Variants in SCLT1 observed in about 807,000 individuals in gnomAD.
SCLT1 encodes the protein sodium channel-associated protein 1.
A neutral mutation model predicts 112.8 loss-of-function variants in SCLT1; 78 were observed. That is an observed-to-expected ratio of 0.69 (90% CI 0.58 to 0.83). The LOEUF (loss-of-function observed/expected upper bound fraction) is 0.83. SCLT1 is among the 40% of genes least tolerant of loss of function. SCLT1 has a pLI of 0.00. For synonymous variants in SCLT1, 257 were observed against 254.7 expected (o/e 1.01, Z -0.09); for missense variants, 747 against 770.4 (o/e 0.97, Z 0.36).
At chr4:129,015,169 C>T (rs1050173304) in intron 5 of SCLT1, among the ~76,000 whole-genome samples, 1 of 152,090 alleles carries the variant, frequency 6.6e-6, no homozygotes, top group African/African-American at 2.4e-5. Flanking sequence ...GGACTACACT[C>T]CCATGTGCTA....
At chr4:128,896,900 G>A (rs931411219) in intron 18 of SCLT1, among the ~76,000 whole-genome samples, 3 of 152,192 alleles carry the variant, frequency 2.0e-5, no homozygotes, top group African/African-American at 7.2e-5. Context: ...TAGCCGATTC[G>A]ATCAACTGGA....
chr4:128,999,604 T>A (rs1399875019), intron 7 of SCLT1, 68 bp downstream of exon 7: 19 of 1,239,906 alleles, frequency 1.5e-5, no homozygotes, highest in Non-Finnish European at 2.2e-5. Flanking sequence ...AGCGTTCCCC[T>A]CTAAAACAGT....
chr4:128,957,025 C>A lies in SCLT1; in HGVS notation c.1146+1G>T. Reference sequence around the variant, plus strand: ...TTTTAAATATAATTAAAAATCCTTACTTCTTTCTTGGTTCTTATGGTAGCA... The same window carrying A: ...TTTTAAATATAATTAAAAATCCTTAATTCTTTCTTGGTTCTTATGGTAGCA... On this transcript the variant is annotated splice_donor_variant, in intron 13 of 20. Transcript: ENST00000281142. LOFTEE classifies it high-confidence loss of function. The A allele has an allele frequency of 1.3e-6, 2 of 1,496,536 alleles. No individual in the cohort carries two copies. Among genetic ancestry groups the A allele is most frequent in the African/African-American group, 1.4e-5 (1 of 70,972 alleles). 92.7% of individuals were successfully genotyped at this position (1,496,536 alleles called of 1,614,324 possible).
chr4:128,954,880 T>G (rs1185283381), intron 13 of SCLT1, among the ~76,000 whole-genome samples: 1 of 152,186 alleles, frequency 6.6e-6, no homozygotes, highest in Non-Finnish European at 1.5e-5. Context: ...ATAAAAATTT[T>G]GGTTCTTATA....
chr4:128,952,538 A>G, intron 14 of SCLT1: 1 of 569,026 alleles, frequency 1.8e-6, no homozygotes, highest in Admixed American at 2.7e-5. Flanking sequence ...ATTCTCTGTC[A>G]AAGACAGGTA....
At chr4:129,001,906 A>G (rs1424274561) in intron 6 of SCLT1, among the ~76,000 whole-genome samples, 1 of 152,050 alleles carries the variant, frequency 6.6e-6, no homozygotes, top group Non-Finnish European at 1.5e-5. Context: ...ATTTAATCCC[A>G]TGAAATCAAT....
intron 5 of SCLT1, among the ~76,000 whole-genome samples, chr4:129,008,968 T>C (rs1579682037): frequency 6.6e-6 from 1 of 152,202 alleles, no homozygotes; most frequent in African/African-American, 2.4e-5. Context: ...TCCAGCTCCA[T>C]CTATGTTCCT....
At position 129,075,408 on chromosome 4, in the gene SCLT1, C is replaced by G. The variant is rs907257946; in HGVS notation, c.102+6898G>C. Among the ~76,000 whole-genome samples the G allele has an allele frequency of 1.4e-4, 21 of 152,246 alleles. No individual in the cohort carries two copies. The South Asian group carries it at 2.3e-3, about 17-fold the overall frequency. ...ACAGCATAAGTAACTGATAAACTTA[C>G]AGTCAACTCCCTGTAATGTGTTAAA... On this transcript the variant is annotated intron_variant, in intron 2 of 20. Coordinates refer to ENST00000281142, the MANE Select transcript of SCLT1 (RefSeq NM_144643.4).
At position 129,003,779 on chromosome 4, in the gene SCLT1, C is replaced by A. The variant is rs1378756740; in HGVS notation, c.388G>T (p.Val130Phe). ...GTDIYADDET[V>F]RNLQEQLQLA... The stretch of plus-strand genomic sequence containing the variant: ...TGCAATTGTTCTTGAAGGTTTCTGA[C>A]TGTTTCATCATCTGCATATATGTCA... The change falls in exon 6 of 21, where the codon GTC becomes TTC. Residue 130 changes from valine (V) to phenylalanine (F), a missense_variant. By Grantham distance (50) the Val-to-Phe change is conservative. Coordinates refer to ENST00000281142, the MANE Select transcript of SCLT1 (RefSeq NM_144643.4). 1 of 1,610,620 alleles carries A rather than the reference C, an allele frequency of 6.2e-7. No homozygotes were observed. The highest frequency in any genetic ancestry group is 8.5e-7 in the Non-Finnish European group (1 of 1,178,642).
At chr4:128,946,756 A>G (rs1738202124) in intron 15 of SCLT1, among the ~76,000 whole-genome samples, 1 of 152,192 alleles carries the variant, frequency 6.6e-6, no homozygotes, top group Non-Finnish European at 1.5e-5. Context: ...GATACATGCC[A>G]TGGTGCAATA....
At chr4:128,935,060 T>C (rs908483823) in intron 18 of SCLT1, among the ~76,000 whole-genome samples, 2 of 152,032 alleles carry the variant, frequency 1.3e-5, no homozygotes, top group Non-Finnish European at 2.9e-5. Context: ...TCTATATCTA[T>C]TGAAAAGACC....
rs112924847 is a variant in SCLT1, at chr4:128,936,580, T to G, written c.1829+75A>C. 20 of 823,872 alleles carry G rather than the reference T, an allele frequency of 2.4e-5. No homozygotes were observed. The African/African-American group carries it at 3.0e-4, about 12-fold the overall frequency. 51.0% of individuals were successfully genotyped at this position (823,872 alleles called of 1,614,324 possible). ...GAATTATACATTTTTTAAAAAAGAT[T>G]ATGGCAAGGACATTAAACTATAGGT... On this transcript the variant is annotated intron_variant, in intron 18 of 20. Transcript: ENST00000281142.
chr4:129,083,954 C>T (rs1037968331), intron 1 of SCLT1, among the ~76,000 whole-genome samples: 3 of 152,080 alleles, frequency 2.0e-5, no homozygotes, highest in African/African-American at 7.2e-5. Context: ...ATATGATCAT[C>T]TCAAAAGTTA....
intron 9 of SCLT1, chr4:128,972,429 A>C (rs1386950533): frequency 4.6e-5 from 6 of 130,786 alleles, no homozygotes; most frequent in South Asian, 2.7e-4. Context: ...AGCATGATCA[A>C]GGAAAAAAAA....
At chr4:129,031,119 C>T (rs989592302) in intron 5 of SCLT1, among the ~76,000 whole-genome samples, 2 of 152,088 alleles carry the variant, frequency 1.3e-5, no homozygotes, top group Non-Finnish European at 2.9e-5. Context: ...CCACCAAGAT[C>T]AAGTCGCTTT....
At chr4:128,959,800 G>A (rs770764051) in intron 11 of SCLT1, 23 bp from the exon 12 acceptor site, 2 of 1,598,566 alleles carry the variant, frequency 1.3e-6, no homozygotes, top group South Asian at 1.1e-5. Context: ...AATTACACTG[G>A]GAAAGTTAAA....
intron 14 of SCLT1, among the ~76,000 whole-genome samples, chr4:128,950,758 CAAAGA>C (rs1373086287): frequency 6.6e-6 from 1 of 152,056 alleles, no homozygotes; most frequent in Non-Finnish European, 1.5e-5. Context: ...ATTCATCCAT[CAAAGA>C]AAAGATCATA....
intron 1 of SCLT1, 24 bp from the exon 2 acceptor site, chr4:129,082,397 T>C (rs1752021081): frequency 1.4e-6 from 2 of 1,472,030 alleles, no homozygotes; most frequent in Non-Finnish European, 1.9e-6. Context: ...GAAAACAGAT[T>C]TCAGTTCATT....
intron 18 of SCLT1, among the ~76,000 whole-genome samples, chr4:128,900,475 T>C (rs1222151838): frequency 2.0e-5 from 3 of 152,166 alleles, no homozygotes; most frequent in South Asian, 2.1e-4. Context: ...GCTAGCCATA[T>C]GTAGAAAGCT....
Sources: allele counts gnomAD v4.1 joint callset (sites outside exome capture counted in the v4.1 genomes callset), GRCh38; gene constraint gnomAD v4.1.1; transcripts MANE v1.5; gene names NCBI Gene and HGNC (gene_info 2026-07-23, HGNC 2026-07-21).